Variants in EYS observed in about 807,000 individuals in gnomAD.
EYS encodes EGF-like photoreceptor maintenance factor, also known as protein eyes shut homolog.
A neutral mutation model predicts 282.1 loss-of-function variants in EYS; 250 were observed. The observed-to-expected ratio is 0.89, with a 90% CI of 0.80 to 0.98. The LOEUF (loss-of-function observed/expected upper bound fraction) is 0.98. Ranked by LOEUF, EYS falls within the 50% of genes least tolerant of loss-of-function variation. EYS has a pLI of 0.00. For synonymous variants in EYS, 1,355 were observed against 1,282.9 expected (o/e 1.06, Z -1.20); for missense variants, 4,016 against 3,709.0 (o/e 1.08, Z -2.15).
chr6:64,429,324 G>A (rs1458975086), intron 28 of EYS, among the ~76,000 whole-genome samples: 1 of 152,072 alleles, frequency 6.6e-6, no homozygotes, highest in Non-Finnish European at 1.5e-5. Context: ...TCAGAGCACT[G>A]GAATAAATTG....
intron 19 of EYS, among the ~76,000 whole-genome samples, chr6:64,874,986 C>T (rs1766701409): frequency 1.3e-5 from 2 of 152,054 alleles, no homozygotes; most frequent in Non-Finnish European, 2.9e-5. Flanking sequence ...CCAAATGCAA[C>T]TGAAATCAGA....
intron 5 of EYS, among the ~76,000 whole-genome samples, chr6:65,418,683 A>C (rs1767335416): frequency 1.3e-5 from 2 of 152,006 alleles, no homozygotes; most frequent in Admixed American, 1.3e-4. Context: ...AACATTGAGA[A>C]CACATGGAAA....
chr6:65,216,566 C>A (rs2150255888), intron 12 of EYS, among the ~76,000 whole-genome samples: 1 of 151,716 alleles, frequency 6.6e-6, no homozygotes, highest in Non-Finnish European at 1.5e-5. Flanking sequence ...GTGGTTAAGG[C>A]ACATTTTTAT....
intron 22 of EYS, among the ~76,000 whole-genome samples, chr6:64,761,895 C>A (rs537977452): frequency 2.2e-4 from 33 of 152,044 alleles, no homozygotes; most frequent in Admixed American, 8.5e-4. Context: ...ATAAAAATTA[C>A]CTTTTGGGGG....
At chr6:65,481,350 T>C (rs1765600738) in intron 5 of EYS, among the ~76,000 whole-genome samples, 1 of 152,206 alleles carries the variant, frequency 6.6e-6, no homozygotes, top group African/African-American at 2.4e-5. Context: ...TAATTTTAGC[T>C]AAATTTATGC....
intron 22 of EYS, among the ~76,000 whole-genome samples, chr6:64,683,948 C>G (rs1408639141): frequency 2.6e-5 from 4 of 152,170 alleles, no homozygotes; most frequent in Non-Finnish European, 5.9e-5. Context: ...CAGAGCTTCC[C>G]CCGCCCTAGT....
intron 22 of EYS, among the ~76,000 whole-genome samples, chr6:64,804,127 G>A (rs965802344): frequency 2.0e-5 from 3 of 152,060 alleles, no homozygotes; most frequent in African/African-American, 4.8e-5. Flanking sequence ...ATTATCTGGA[G>A]GTATGTAATT....
intron 22 of EYS, among the ~76,000 whole-genome samples, chr6:64,672,363 T>A (rs1002502759): frequency 6.6e-6 from 1 of 152,098 alleles, no homozygotes; most frequent in Non-Finnish European, 1.5e-5. Flanking sequence ...TTCTCTTTTT[T>A]CCCCTGTCAT....
intron 19 of EYS, among the ~76,000 whole-genome samples, chr6:64,863,176 T>A (rs950287785): frequency 6.6e-6 from 1 of 152,188 alleles, no homozygotes; most frequent in African/African-American, 2.4e-5. Flanking sequence ...AATTTGACTA[T>A]TCAAATTCCC....
In EYS at chr6:64,115,868, A is replaced by G. The variant is rs529294084; in HGVS notation, c.6425-33866T>C. Among the ~76,000 whole-genome samples the G allele has an allele frequency of 1.9e-4, 29 of 152,226 alleles. No homozygotes were observed. In the South Asian group the frequency reaches 5.8e-3, roughly 30 times the overall value. ...AAAGTGGAGATCTATGAATTTCCTA[A>G]CAATAAATTCAAAATATTAGGTTGG... On this transcript the variant is annotated intron_variant, in intron 31 of 42. Coordinates refer to ENST00000503581, the MANE Select transcript of EYS (RefSeq NM_001142800.2).
intron 12 of EYS, among the ~76,000 whole-genome samples, chr6:65,257,711 T>C (rs1319050890): frequency 5.9e-5 from 9 of 151,988 alleles, no homozygotes; most frequent in Non-Finnish European, 1.3e-4. Context: ...GTGTGATACC[T>C]CCAGCTTTGT....
At chr6:64,657,763 C>A (rs1768808035) in intron 22 of EYS, among the ~76,000 whole-genome samples, 1 of 152,178 alleles carries the variant, frequency 6.6e-6, no homozygotes, top group Admixed American at 6.5e-5. Context: ...GGTAACCCAA[C>A]CTTTCTCTCT....
intron 31 of EYS, among the ~76,000 whole-genome samples, chr6:64,138,354 T>A (rs1774232520): frequency 6.6e-6 from 1 of 152,048 alleles, no homozygotes; most frequent in Admixed American, 6.6e-5. Context: ...AGAAACAAGA[T>A]ATTGGGAAAG....
At chr6:64,706,413 A>G (rs746307856) in intron 22 of EYS, among the ~76,000 whole-genome samples, 27 of 152,078 alleles carry the variant, frequency 1.8e-4, no homozygotes, top group Non-Finnish European at 3.2e-4. Flanking sequence ...CAAAGACTTC[A>G]TGACCAAGTA....
intron 26 of EYS, among the ~76,000 whole-genome samples, chr6:64,446,057 C>T (rs1405302463): frequency 6.6e-6 from 1 of 152,232 alleles, no homozygotes; most frequent in Non-Finnish European, 1.5e-5. Context: ...TCTTCAACTT[C>T]CTCCCTGTTT....
chr6:64,145,740 A>T (rs1204491551), intron 31 of EYS, among the ~76,000 whole-genome samples: 2 of 152,210 alleles, frequency 1.3e-5, no homozygotes, highest in Admixed American at 1.3e-4. Flanking sequence ...ATGACTTCAG[A>T]CTACATTTTC....
intron 12 of EYS, among the ~76,000 whole-genome samples, chr6:65,064,355 T>C (rs138044933): frequency 0.011 from 1,620 of 143,880 alleles, 31 homozygotes; most frequent in African/African-American, 0.039. Flanking sequence ...TATCATATAG[T>C]ATATGATATA....
chr6:65,399,112 C>T (rs960685867), intron 7 of EYS, among the ~76,000 whole-genome samples: 2 of 151,984 alleles, frequency 1.3e-5, no homozygotes, highest in Admixed American at 6.6e-5. Flanking sequence ...GCTGGTCTCC[C>T]TTCCCTTGGG....
intron 36 of EYS, among the ~76,000 whole-genome samples, chr6:63,820,411 A>T (rs1389960085): frequency 6.6e-6 from 1 of 152,108 alleles, no homozygotes; most frequent in Non-Finnish European, 1.5e-5. Context: ...TTGTTTTTCT[A>T]CTGACTTTAG....
Sources: gnomAD v4.1 joint callset for allele counts (sites outside exome capture counted in the v4.1 genomes callset) on GRCh38, gnomAD v4.1.1 for gene constraint, MANE v1.5 for transcripts, NCBI Gene and HGNC (gene_info 2026-07-23, HGNC 2026-07-21) for gene names.